Variants in TNS3 observed in about 807,000 individuals in gnomAD.
TNS3 encodes the protein tensin 3.
In TNS3, 45 loss-of-function variants were observed where a neutral mutation model predicts 140.9. The observed-to-expected ratio is 0.32, with a 90% CI of 0.25 to 0.41. The LOEUF (loss-of-function observed/expected upper bound fraction) is 0.41. Ranked by LOEUF, TNS3 falls within the 10% of genes least tolerant of loss-of-function variation. The pLI, the probability that TNS3 is intolerant of heterozygous loss-of-function variation, is 1.00. For missense variants in TNS3, 1,716 were observed against 1,906.7 expected (o/e 0.90, Z 1.86); for synonymous variants, 815 against 788.4 (o/e 1.03, Z -0.56).
chr7:47,434,654 G>A (rs961626146), intron 8 of TNS3, among the ~76,000 whole-genome samples: 1 of 152,224 alleles, frequency 6.6e-6, no homozygotes, highest in African/African-American at 2.4e-5. Context: ...GATCCCAGGA[G>A]GTGGGAGGAG....
chr7:47,494,214 G>A (rs1209222522), intron 3 of TNS3, among the ~76,000 whole-genome samples: 2 of 152,106 alleles, frequency 1.3e-5, no homozygotes, highest in Non-Finnish European at 2.9e-5. Context: ...CTGACCCACC[G>A]GGTGGGTATG....
At position 47,364,047 on chromosome 7, in the gene TNS3, G is replaced by A. The variant is rs545687384; in HGVS notation, c.2281+4318C>T. Among the ~76,000 whole-genome samples the A allele has an allele frequency of 1.8e-3, 278 of 152,160 alleles. 1 individual carries two copies. The highest frequency in any genetic ancestry group is 3.4e-3 in the Non-Finnish European group (232 of 68,006). ...CCTTCTGACGATGTCCCAGGGACTC[G>A]GAACTAGCTGCTTTGCTACCACACT... On this transcript the variant is annotated intron_variant, in intron 17 of 30. Transcript: ENST00000311160.
intron 3 of TNS3, among the ~76,000 whole-genome samples, chr7:47,491,579 G>A (rs1334130344): frequency 1.3e-5 from 2 of 152,136 alleles, no homozygotes; most frequent in African/African-American, 4.8e-5. Context: ...CATAGTTACC[G>A]AAGGCCATCT....
At chr7:47,442,924 T>C (rs1795540233) in intron 4 of TNS3, among the ~76,000 whole-genome samples, 1 of 152,234 alleles carries the variant, frequency 6.6e-6, no homozygotes, top group Non-Finnish European at 1.5e-5. Flanking sequence ...GCAGCTCACC[T>C]GGACTCCTTA....
chr7:47,458,209 A>G (rs1331163446), intron 4 of TNS3, among the ~76,000 whole-genome samples: 4 of 152,176 alleles, frequency 2.6e-5, no homozygotes, highest in African/African-American at 9.7e-5. Context: ...AGCTGAGGCC[A>G]CGTCTGCCCA....
Position 47,292,853 on chromosome 7 carries a change from C to CTTG in TNS3, c.3824_3825insCAA (p.Pro1275_Cys1276insLys). The stretch of plus-strand genomic sequence containing the variant: ...CTCTCTCTGGGATAAGCAGCTTGCA[C>CTTG]GGCAAGGCCAAGGGCGTGATGGAAT... On this transcript the variant is annotated inframe_insertion, in exon 26 of 31. Coordinates refer to ENST00000311160, the MANE Select transcript of TNS3 (RefSeq NM_022748.12). 6.2e-7 allele frequency: 1 copy of CTTG among 1,614,138 alleles called. No homozygotes were observed. The highest frequency in any genetic ancestry group is 8.5e-7 in the Non-Finnish European group (1 of 1,180,018).
At chr7:47,375,145 C>T (rs1791301719) in intron 16 of TNS3, among the ~76,000 whole-genome samples, 1 of 152,200 alleles carries the variant, frequency 6.6e-6, no homozygotes, top group South Asian at 2.1e-4. Flanking sequence ...AAATTCAGAA[C>T]CTAATCTTAG....
intron 20 of TNS3, among the ~76,000 whole-genome samples, chr7:47,311,399 A>AGTGT (rs10617598): frequency 0.091 from 13,366 of 147,264 alleles, 705 homozygotes; most frequent in Non-Finnish European, 0.12. Context: ...GAACTTAAAG[A>AGTGT]GTGTGTGTGT....
At chr7:47,316,965 G>A (rs1787450468) in intron 20 of TNS3, among the ~76,000 whole-genome samples, 1 of 152,040 alleles carries the variant, frequency 6.6e-6, no homozygotes, top group Non-Finnish European at 1.5e-5. Flanking sequence ...GAGAATCAAA[G>A]TCCTACAGAT....
chr7:47,361,223 A>AAAAAAAAAAAAAAAAAAAAAAAAAAAG (rs1790308080), intron 17 of TNS3, among the ~76,000 whole-genome samples: 1 of 149,380 alleles, frequency 6.7e-6, no homozygotes, highest in Non-Finnish European at 1.5e-5. Context: ...AAAAAAAAAA[A>AAAAAAAAAAAAAAAAAAAAAAAAAAAG]ACAAGCAAGG....
chr7:47,408,444 T>C (rs1449951815), intron 13 of TNS3, among the ~76,000 whole-genome samples: 1 of 144,750 alleles, frequency 6.9e-6, no homozygotes, highest in Non-Finnish European at 1.5e-5. Context: ...CGCAGCACCA[T>C]GGGGAGAGGG....
chr7:47,553,318 G>A (rs1004582986), intron 1 of TNS3, among the ~76,000 whole-genome samples: 2 of 152,172 alleles, frequency 1.3e-5, no homozygotes, highest in Non-Finnish European at 1.5e-5. Flanking sequence ...ATTAGAAGAT[G>A]CCACCTAGGA....
chr7:47,415,776 C>T (rs1794047743), intron 10 of TNS3, among the ~76,000 whole-genome samples: 1 of 152,264 alleles, frequency 6.6e-6, no homozygotes, highest in Non-Finnish European at 1.5e-5. Flanking sequence ...CAAGGCCCAG[C>T]TCCAAAGGCG....
chr7:47,382,338 G>A (rs1473854411), intron 16 of TNS3, among the ~76,000 whole-genome samples: 1 of 152,142 alleles, frequency 6.6e-6, no homozygotes, highest in African/African-American at 2.4e-5. Flanking sequence ...GTGAATATAT[G>A]GCAACAGGCA....
chr7:47,336,392 G>A (rs1019931505), intron 20 of TNS3, among the ~76,000 whole-genome samples: 2 of 152,188 alleles, frequency 1.3e-5, no homozygotes, highest in African/African-American at 4.8e-5. Flanking sequence ...GGTACCAGCA[G>A]GTTCTGGCAA....
At chr7:47,301,349 A>G (rs1039634165) in intron 23 of TNS3, among the ~76,000 whole-genome samples, 3 of 152,150 alleles carry the variant, frequency 2.0e-5, no homozygotes, top group Non-Finnish European at 4.4e-5. Flanking sequence ...CTTCTGAGGT[A>G]TATCCCAGAA....
Position 47,396,714 on chromosome 7 carries a change from G to T in TNS3, c.1024+86C>A. The T allele has an allele frequency of 2.6e-6, 3 of 1,145,144 alleles. No homozygotes were observed. In the South Asian group the frequency reaches 3.8e-5, roughly 15 times the overall value. The allele number at this position is 1,145,144 out of a possible 1,614,324, so 70.9% of individuals were successfully genotyped here. ...CAGGGGAAATTTTTTCTTCTTAGCA[G>T]ACTGCAAAATACTTCAGATATTTGA... On this transcript the variant is annotated intron_variant, in intron 16 of 30. Transcript: ENST00000311160.
rs111735877 is a variant in TNS3 at position 47,452,066 on chromosome 7, A to G, written c.-75-10011T>C. Among the ~76,000 whole-genome samples the G allele has an allele frequency of 5.4e-3, 829 of 152,342 alleles. 6 individuals are homozygous for G. Among genetic ancestry groups the G allele is most frequent in the African/African-American group, 0.019 (797 of 41,576 alleles). On this transcript the variant is annotated intron_variant, in intron 4 of 30. Coordinates refer to ENST00000311160, the MANE Select transcript of TNS3 (RefSeq NM_022748.12). ...AAGGATTAAATAAGGAAACATAAACATAGGGCTTAGAACAGTGCCTGGCCA... is the reference window on the plus strand; with the variant it reads ...AAGGATTAAATAAGGAAACATAAACGTAGGGCTTAGAACAGTGCCTGGCCA...
chr7:47,568,046 C>T (rs1800468915), intron 1 of TNS3, among the ~76,000 whole-genome samples: 1 of 152,184 alleles, frequency 6.6e-6, no homozygotes, highest in Non-Finnish European at 1.5e-5. Context: ...CACAGGCACC[C>T]CGGCAAAACT....
Sources: gnomAD v4.1 joint callset for allele counts (sites outside exome capture counted in the v4.1 genomes callset) on GRCh38, gnomAD v4.1.1 for gene constraint, MANE v1.5 for transcripts, NCBI Gene and HGNC (gene_info 2026-07-23, HGNC 2026-07-21) for gene names.